Variants in MYO1H observed in about 807,000 individuals in gnomAD.
The protein encoded by MYO1H is unconventional myosin-Ih.
Under a neutral mutation model 149.3 loss-of-function variants are expected in MYO1H, and 118 were observed. The observed-to-expected ratio is 0.79, with a 90% CI of 0.68 to 0.92. The LOEUF (loss-of-function observed/expected upper bound fraction) is 0.92, where lower values mean the gene tolerates loss of function less well. Ranked by LOEUF, MYO1H falls within the 40% of genes least tolerant of loss-of-function variation. The pLI, the probability that MYO1H is intolerant of heterozygous loss-of-function variation, is 0.00. For missense variants in MYO1H, 1,212 were observed against 1,280.7 expected (o/e 0.95, Z 0.82); for synonymous variants, 447 against 465.2 (o/e 0.96, Z 0.50).
upstream of MYO1H, among the ~76,000 whole-genome samples, chr12:109,344,024 T>G (rs2048094825): frequency 6.6e-6 from 1 of 152,230 alleles, no homozygotes; most frequent in Admixed American, 6.5e-5. Flanking sequence ...CAGACTTTCC[T>G]TGTTAAGGAT....
chr12:109,360,149 A>T (rs1868712940), intron 1 of MYO1H, among the ~76,000 whole-genome samples: 1 of 148,940 alleles, frequency 6.7e-6, no homozygotes, highest in Admixed American at 6.7e-5. Flanking sequence ...ATGTATGTGG[A>T]TAAATATGAG....
Position 109,433,189 on chromosome 12 carries a change from G to A in MYO1H, c.2063+179G>A, listed in dbSNP as rs934397729. Among the ~76,000 whole-genome samples, 5 of 152,300 alleles carry A rather than the reference G, an allele frequency of 3.3e-5. No homozygotes were observed. In the South Asian group the frequency reaches 6.2e-4, roughly 19 times the overall value. Reference sequence around the variant, plus strand: ...CTCTTAATTCTTTAGAAGAGCTATGGTGCTGCCGGTGGGAGGAAATGAAGT... The same window carrying A: ...CTCTTAATTCTTTAGAAGAGCTATGATGCTGCCGGTGGGAGGAAATGAAGT... On this transcript the variant is annotated intron_variant, in intron 20 of 31. Transcript: ENST00000310903.
intron 1 of MYO1H, among the ~76,000 whole-genome samples, chr12:109,351,690 C>A (rs960142413): frequency 9.8e-5 from 15 of 152,288 alleles, no homozygotes; most frequent in African/African-American, 3.4e-4. Context: ...AAGAAGAAAG[C>A]CCCCATGGCT....
intron 19 of MYO1H, among the ~76,000 whole-genome samples, chr12:109,431,748 C>A (rs919602275): frequency 3.3e-5 from 5 of 152,214 alleles, no homozygotes; most frequent in Non-Finnish European, 7.3e-5. Context: ...GAACTGCATG[C>A]TGGAATCAGG....
At chr12:109,365,444 C>A (rs2217974) in intron 1 of MYO1H, among the ~76,000 whole-genome samples, 16,280 of 152,162 alleles carry the variant, frequency 0.11, 1,839 homozygotes, top group African/African-American at 0.29. Flanking sequence ...GTCTATTTAG[C>A]ATTATGGCTT....
upstream of MYO1H, among the ~76,000 whole-genome samples, chr12:109,345,155 A>C (rs1051982413): frequency 3.3e-5 from 5 of 152,210 alleles, no homozygotes; most frequent in Admixed American, 6.5e-5. Flanking sequence ...CTATCAAGAA[A>C]GTGAAAAGAC....
exon 21 of MYO1H, chr12:109,435,060 C>T: frequency 6.2e-7 from 1 of 1,608,028 alleles, no homozygotes; most frequent in Non-Finnish European, 8.5e-7. Flanking sequence ...ATTCGTTTCC[C>T]CAGAACTCTG....
At chr12:109,438,747 A>G in intron 23 of MYO1H, 127 bp downstream of exon 23, 4 of 685,660 alleles carry the variant, frequency 5.8e-6, no homozygotes, top group Non-Finnish European at 1.0e-5. Context: ...TCCCTTCAGA[A>G]TGCCATTAGG....
At chr12:109,399,078 C>G (rs1234586599) in intron 5 of MYO1H, among the ~76,000 whole-genome samples, 2 of 152,114 alleles carry the variant, frequency 1.3e-5, no homozygotes, top group African/African-American at 2.4e-5. Context: ...GCACGGAGCT[C>G]AATGTTCAGG....
In MYO1H at chr12:109,440,741, C is replaced by T. The variant is rs778331499; in HGVS notation, c.2455-3C>T. 70 of 1,558,666 alleles carry T rather than the reference C, an allele frequency of 4.5e-5. No homozygotes were observed. The South Asian group carries it at 7.5e-4, about 17-fold the overall frequency. On this transcript the variant is annotated splice_region_variant and splice_polypyrimidine_tract_variant and intron_variant, in intron 24 of 31. Coordinates refer to ENST00000310903, the Ensembl canonical transcript of MYO1H. ...AGTGGAAAGAAGTGTGTTCTCCACA[C>T]AGGCATCAGATCTGCTCAGGAAAAT...
chr12:109,336,244 A>G, the MYO1H span, among the ~76,000 whole-genome samples: 11 of 152,176 alleles, frequency 7.2e-5, no homozygotes, highest in Non-Finnish European at 1.2e-4. Context: ...TCCTCCAGTC[A>G]TAGACCTTTC....
intron 3 of MYO1H, among the ~76,000 whole-genome samples, chr12:109,395,562 C>T (rs893391731): frequency 2.0e-5 from 3 of 151,712 alleles, no homozygotes; most frequent in African/African-American, 7.3e-5. Flanking sequence ...GGTGAAACCC[C>T]GTCTCTACTA....
At chr12:109,407,761 AC>A in intron 9 of MYO1H, 32 bp from the exon 10 acceptor site, 1 of 1,603,676 alleles carries the variant, frequency 6.2e-7, no homozygotes, top group Non-Finnish European at 8.5e-7. Flanking sequence ...TCTTTTTTCC[AC>A]CTATAATGAT....
At chr12:109,315,509 T>C in the MYO1H span, among the ~76,000 whole-genome samples, 5,872 of 152,332 alleles carry the variant, frequency 0.039, 314 homozygotes, top group East Asian at 0.15. Flanking sequence ...AGACAGGCTT[T>C]GTTTGGCTCA....
chr12:109,436,925 CCAAAACAAAA>C (rs113006827), intron 22 of MYO1H, among the ~76,000 whole-genome samples: 1 of 151,678 alleles, frequency 6.6e-6, no homozygotes, highest in Non-Finnish European at 1.5e-5. Flanking sequence ...CCTGTCTCTA[CCAAAACAAAA>C]CAAAACAAAA....
chr12:109,445,921 TTATCCATAAC>T (rs1218203389), intron 31 of MYO1H: 33 of 985,330 alleles, frequency 3.3e-5, no homozygotes, highest in Non-Finnish European at 3.9e-5. Context: ...CTTATTACAG[TTATCCATAAC>T]TATCCATAAC....
intron 1 of MYO1H, among the ~76,000 whole-genome samples, chr12:109,367,461 TG>T (rs1868888626): frequency 6.6e-6 from 1 of 152,178 alleles, no homozygotes; most frequent in Admixed American, 6.5e-5. Flanking sequence ...TAAAGAGATT[TG>T]GGGGAAAACT....
At chr12:109,348,176 C>T (rs1014603996) in intron 1 of MYO1H, among the ~76,000 whole-genome samples, 5 of 152,190 alleles carry the variant, frequency 3.3e-5, no homozygotes, top group Admixed American at 6.5e-5. Flanking sequence ...GGGGCAAGTA[C>T]GATGATTTAG....
intron 1 of MYO1H, among the ~76,000 whole-genome samples, chr12:109,377,959 C>T (rs1157684659): frequency 6.6e-6 from 1 of 152,200 alleles, no homozygotes. Flanking sequence ...GTCATTTCCT[C>T]CGTATTTCAG....
Sources: gnomAD v4.1 joint callset for allele counts (sites outside exome capture counted in the v4.1 genomes callset) on GRCh38, gnomAD v4.1.1 for gene constraint, MANE v1.5 for transcripts, NCBI Gene and HGNC (gene_info 2026-07-23, HGNC 2026-07-21) for gene names.